Variants in GLG1 observed in about 807,000 individuals in gnomAD.
GLG1 encodes golgi glycoprotein 1.
A neutral mutation model predicts 160.5 loss-of-function variants in GLG1; 38 were observed. The observed-to-expected ratio is 0.24, with a 90% CI of 0.18 to 0.31. The LOEUF (loss-of-function observed/expected upper bound fraction) is 0.31, where lower values mean the gene tolerates loss of function less well. Ranked by LOEUF, GLG1 falls within the 10% of genes least tolerant of loss-of-function variation. GLG1 has a pLI of 1.00. For synonymous variants in GLG1, 644 were observed against 543.4 expected (o/e 1.19, Z -2.57); for missense variants, 1,373 against 1,505.2 (o/e 0.91, Z 1.45).
At chr16:74,502,427 T>A (rs1161235509) in intron 4 of GLG1, among the ~76,000 whole-genome samples, 2 of 152,234 alleles carry the variant, frequency 1.3e-5, no homozygotes, top group Non-Finnish European at 2.9e-5. Context: ...GAGATGAAGA[T>A]TAATAATATA....
intron 1 of GLG1, among the ~76,000 whole-genome samples, chr16:74,534,341 A>G (rs1471067635): frequency 6.6e-6 from 1 of 151,368 alleles, no homozygotes; most frequent in Non-Finnish European, 1.5e-5. Context: ...AGTTTTCTAC[A>G]CTATCCTTTT....
intron 4 of GLG1, 113 bp downstream of exon 4, chr16:74,503,418 A>G: frequency 2.7e-6 from 2 of 733,508 alleles, no homozygotes; most frequent in South Asian, 3.4e-5. Context: ...AAGTTTCTTC[A>G]ATTTCAACTT....
At chr16:74,570,782 G>A (rs1340746943) in intron 1 of GLG1, among the ~76,000 whole-genome samples, 1 of 152,172 alleles carries the variant, frequency 6.6e-6, no homozygotes, top group African/African-American at 2.4e-5. Flanking sequence ...CAGCCACTTG[G>A]AAGGCTGAAG....
intron 1 of GLG1, among the ~76,000 whole-genome samples, chr16:74,606,113 G>A (rs1958559270): frequency 6.6e-6 from 1 of 152,174 alleles, no homozygotes; most frequent in Admixed American, 6.5e-5. Flanking sequence ...GGAGTTAACA[G>A]CTTAAACATG....
intron 15 of GLG1, 33 bp from the exon 16 acceptor site, chr16:74,470,106 T>C: frequency 7.6e-7 from 1 of 1,322,936 alleles, no homozygotes; most frequent in Admixed American, 1.7e-5. Flanking sequence ...GTCAGAAGTT[T>C]TGTGGCAACT....
At chr16:74,487,841 T>C (rs1219142109) in intron 8 of GLG1, among the ~76,000 whole-genome samples, 1 of 152,166 alleles carries the variant, frequency 6.6e-6, no homozygotes, top group East Asian at 1.9e-4. Context: ...CCAGGGATCA[T>C]TATCATTGCC....
At position 74,496,366 on chromosome 16, in the gene GLG1, AT is replaced by A. The variant is rs781048462; in HGVS notation, c.978+74del. 17 of 1,029,050 alleles carry A rather than the reference AT, an allele frequency of 1.7e-5. No homozygotes were observed. In the East Asian group the frequency reaches 2.1e-4, roughly 13 times the overall value. 63.7% of individuals were successfully genotyped at this position (1,029,050 alleles called of 1,614,324 possible). A position where few individuals can be genotyped will look rare whatever the true frequency, so the allele number is the denominator to read the frequency against. On this transcript the variant is annotated intron_variant, in intron 5 of 25. Transcript: ENST00000422840. ...ACTCAATCTCTCAAAAAACAACACAATTAAATTAATTAAAACAAAATTATAT... is the reference window on the plus strand; with the variant it reads ...ACTCAATCTCTCAAAAAACAACACAATAAATTAATTAAAACAAAATTATAT...
chr16:74,462,822 C>T (rs558557223), intron 20 of GLG1, 192 bp from the exon 21 acceptor site: 7 of 599,896 alleles, frequency 1.2e-5, no homozygotes, highest in Admixed American at 6.0e-5. Flanking sequence ...TTAACGAGTA[C>T]TTCTGGAGGT....
intron 3 of GLG1, among the ~76,000 whole-genome samples, chr16:74,505,598 T>C (rs1023633068): frequency 3.9e-5 from 6 of 152,182 alleles, no homozygotes; most frequent in African/African-American, 1.4e-4. Context: ...CTCATGCCTG[T>C]AATCCTAGCA....
chr16:74,454,175 G>A (rs555850189), intron 25 of GLG1, among the ~76,000 whole-genome samples: 1 of 151,718 alleles, frequency 6.6e-6, no homozygotes, highest in African/African-American at 2.4e-5. Context: ...GCCCGGCCTT[G>A]TAAATTCTAT....
intron 1 of GLG1, among the ~76,000 whole-genome samples, chr16:74,550,707 G>C (rs1457395115): frequency 2.6e-5 from 4 of 152,196 alleles, no homozygotes; most frequent in East Asian, 1.9e-4. Context: ...AAAGTCAAGA[G>C]GGGGACAAGC....
At chr16:74,469,132 G>A (rs562888597) in intron 16 of GLG1, 69 bp from the exon 17 acceptor site, 6 of 975,710 alleles carry the variant, frequency 6.1e-6, no homozygotes, top group South Asian at 1.3e-5. Flanking sequence ...GCTGGGCTTG[G>A]GGGGGGTCAC....
chr16:74,485,496 A>G (rs939582152), intron 9 of GLG1, among the ~76,000 whole-genome samples: 26 of 152,178 alleles, frequency 1.7e-4, no homozygotes, highest in Admixed American at 1.7e-3. Context: ...TCTCTCTTTC[A>G]TTTTAATTTG....
chr16:74,469,110 G>C (rs750806048), intron 16 of GLG1, 47 bp from the exon 17 acceptor site: 14 of 1,243,070 alleles, frequency 1.1e-5, no homozygotes, highest in Non-Finnish European at 1.5e-5. Context: ...CACAAGGGCA[G>C]ATGGCCTGAG....
chr16:74,483,297 G>A (rs1197219291), intron 9 of GLG1, among the ~76,000 whole-genome samples, 173 bp from the exon 10 acceptor site: 2 of 152,148 alleles, frequency 1.3e-5, no homozygotes, highest in African/African-American at 2.4e-5. Context: ...TTATACCTTC[G>A]ATCAACTTCA....
intron 1 of GLG1, among the ~76,000 whole-genome samples, chr16:74,559,248 C>G (rs141093195): frequency 7.7e-4 from 117 of 151,890 alleles, no homozygotes; most frequent in African/African-American, 2.7e-3. Context: ...AGAAGTAATC[C>G]TTTTTACCCA....
chr16:74,467,262 C>T (rs190881914), intron 18 of GLG1, among the ~76,000 whole-genome samples: 22 of 152,304 alleles, frequency 1.4e-4, no homozygotes, highest in African/African-American at 3.8e-4. Flanking sequence ...CGAGTAGTAA[C>T]GAGAACATTT....
intron 1 of GLG1, among the ~76,000 whole-genome samples, chr16:74,570,696 G>A (rs892886597): frequency 1.3e-5 from 2 of 152,110 alleles, no homozygotes; most frequent in Admixed American, 6.6e-5. Context: ...AGGAGTTTGA[G>A]ACCAGCTTGG....
intron 1 of GLG1, among the ~76,000 whole-genome samples, chr16:74,557,459 T>A (rs2018384487): frequency 6.6e-6 from 1 of 152,178 alleles, no homozygotes; most frequent in South Asian, 2.1e-4. Context: ...GGCTTACTTA[T>A]GGGTGACCAC....
Sources: gnomAD v4.1 joint callset for allele counts (sites outside exome capture counted in the v4.1 genomes callset) on GRCh38, gnomAD v4.1.1 for gene constraint, MANE v1.5 for transcripts, NCBI Gene and HGNC (gene_info 2026-07-23, HGNC 2026-07-21) for gene names.